The following FAM81B variants were observed in gnomAD, a reference collection of about 807,000 sequenced individuals.
FAM81B encodes the protein protein FAM81B.
A neutral mutation model predicts 58.7 loss-of-function variants in FAM81B; 60 were observed. The observed-to-expected ratio is 1.02, with a 90% CI of 0.83 to 1.27. The LOEUF is 1.27. Among genes scored for constraint, FAM81B ranks in the 50% most tolerant of loss-of-function variants. The pLI is 0.00. For missense variants in FAM81B, 491 were observed against 522.0 expected (o/e 0.94, Z 0.58); for synonymous variants, 189 against 179.6 (o/e 1.05, Z -0.42).
At chr5:95,425,463 GA>G (rs1036850363) in intron 5 of FAM81B, among the ~76,000 whole-genome samples, 3 of 151,856 alleles carry the variant, frequency 2.0e-5, no homozygotes, top group Admixed American at 1.3e-4. Context: ...CTGAAAGAAA[GA>G]AAAAAAATGT....
chr5:95,413,810 G>T, intron 3 of FAM81B, 137 bp from the exon 4 acceptor site: 1 of 1,405,078 alleles, frequency 7.1e-7, no homozygotes, highest in South Asian at 1.6e-5. Context: ...TCTAACCATG[G>T]CAAGTGCTTA....
At chr5:95,427,882 G>C (rs941879430) in intron 5 of FAM81B, among the ~76,000 whole-genome samples, 2 of 152,148 alleles carry the variant, frequency 1.3e-5, no homozygotes, top group African/African-American at 4.8e-5. Context: ...GTGTGGTTCT[G>C]TGTGTTATCT....
At chr5:95,405,326 C>T (rs772157523) in intron 3 of FAM81B, among the ~76,000 whole-genome samples, 4 of 152,106 alleles carry the variant, frequency 2.6e-5, no homozygotes, top group Non-Finnish European at 5.9e-5. Flanking sequence ...GTTGTGTGAC[C>T]ATTCCTTGTT....
chr5:95,417,055 T>G (rs1202075727), intron 4 of FAM81B, among the ~76,000 whole-genome samples: 1 of 152,096 alleles, frequency 6.6e-6, no homozygotes, highest in Non-Finnish European at 1.5e-5. Context: ...AAAAATAATT[T>G]AAGAAAGAAA....
chr5:95,410,150 C>T (rs1408965832), intron 3 of FAM81B, among the ~76,000 whole-genome samples: 3 of 152,154 alleles, frequency 2.0e-5, no homozygotes, highest in Non-Finnish European at 2.9e-5. Flanking sequence ...TCAACAGATG[C>T]ACACATTTTA....
chr5:95,432,651 A>G (rs992316748), intron 6 of FAM81B, among the ~76,000 whole-genome samples: 3 of 152,022 alleles, frequency 2.0e-5, no homozygotes, highest in African/African-American at 7.2e-5. Context: ...CTTAGAAAAA[A>G]AATCTATTTC....
At chr5:95,435,074 T>G (rs1745047701) in intron 6 of FAM81B, among the ~76,000 whole-genome samples, 1 of 152,230 alleles carries the variant, frequency 6.6e-6, no homozygotes, top group African/African-American at 2.4e-5. Flanking sequence ...TGAGTTCCTT[T>G]GTTCCTTGAA....
chr5:95,433,388 G>T (rs2152768012), intron 6 of FAM81B, among the ~76,000 whole-genome samples: 1 of 152,168 alleles, frequency 6.6e-6, no homozygotes, highest in East Asian at 1.9e-4. Flanking sequence ...CAGCATGCAG[G>T]TAATTGCCCC....
At chr5:95,427,348 A>G (rs1762873134) in intron 5 of FAM81B, among the ~76,000 whole-genome samples, 1 of 152,186 alleles carries the variant, frequency 6.6e-6, no homozygotes, top group South Asian at 2.1e-4. Flanking sequence ...GGTGTAAAAC[A>G]TCTTTTGATC....
chr5:95,449,323 C>A (rs964305945), intron 9 of FAM81B, among the ~76,000 whole-genome samples: 2 of 152,134 alleles, frequency 1.3e-5, no homozygotes, highest in African/African-American at 2.4e-5. Flanking sequence ...ACCCCTCCCA[C>A]CGTCATATCA....
chr5:95,410,881 TTC>T (rs1181765400), intron 3 of FAM81B: 1 of 152,194 alleles, frequency 6.6e-6, no homozygotes, highest in Admixed American at 6.5e-5. Context: ...AAATAAATAG[TTC>T]TGAGACATTG....
intron 9 of FAM81B, among the ~76,000 whole-genome samples, chr5:95,449,510 A>G (rs1745710890): frequency 6.6e-6 from 1 of 151,828 alleles, no homozygotes; most frequent in South Asian, 2.1e-4. Context: ...ACTAATGAGG[A>G]GGAGTTCTAA....
At chr5:95,398,451 T>C (rs56316638) in intron 3 of FAM81B, among the ~76,000 whole-genome samples, 49,189 of 151,272 alleles carry the variant, frequency 0.33, 8,270 homozygotes, top group Middle Eastern at 0.4. Context: ...AATAAATAAA[T>C]AAAAAACTTC....
intron 7 of FAM81B, among the ~76,000 whole-genome samples, chr5:95,445,605 G>C (rs180828747): frequency 1.5e-3 from 231 of 152,082 alleles, no homozygotes; most frequent in African/African-American, 5.4e-3. Flanking sequence ...GCATCATCTT[G>C]ATAGGTCCCG....
At chr5:95,438,542 T>A (rs1472215381) in intron 7 of FAM81B, among the ~76,000 whole-genome samples, 1 of 152,170 alleles carries the variant, frequency 6.6e-6, no homozygotes, top group Non-Finnish European at 1.5e-5. Context: ...ATTTGGCTTA[T>A]GGAAAGTCAT....
At chr5:95,406,668 C>T (rs1291234590) in intron 3 of FAM81B, among the ~76,000 whole-genome samples, 4 of 152,144 alleles carry the variant, frequency 2.6e-5, no homozygotes, top group African/African-American at 9.7e-5. Context: ...CACAGCACCA[C>T]CCACACACGC....
At chr5:95,436,927 T>C in intron 7 of FAM81B, 21 bp downstream of exon 7, 5 of 1,573,654 alleles carry the variant, frequency 3.2e-6, no homozygotes, top group Non-Finnish European at 4.4e-6. Flanking sequence ...AGAAGATTTT[T>C]AATTCTGTTA....
chr5:95,436,100 T>C (rs1436846524), intron 6 of FAM81B, among the ~76,000 whole-genome samples: 1 of 152,234 alleles, frequency 6.6e-6, no homozygotes, highest in Non-Finnish European at 1.5e-5. Flanking sequence ...AGTTTAGGCA[T>C]GATTATGGGT....
chr5:95,448,600 A>T, intron 9 of FAM81B, 136 bp downstream of exon 9: 1 of 820,674 alleles, frequency 1.2e-6, no homozygotes. Flanking sequence ...CACTTTTCTA[A>T]ATATCCTATA....
Sources: gnomAD v4.1 joint callset for allele counts (sites outside exome capture counted in the v4.1 genomes callset) on GRCh38, gnomAD v4.1.1 for gene constraint, MANE v1.5 for transcripts, NCBI Gene and HGNC (gene_info 2026-07-23, HGNC 2026-07-21) for gene names.